The following CFAP299 variants were observed in gnomAD, a reference collection of about 807,000 sequenced individuals.
CFAP299 encodes the protein cilia and flagella associated protein 299.
A neutral mutation model predicts 27.0 loss-of-function variants in CFAP299; 21 were observed. The ratio of observed to expected loss-of-function variants is 0.78; its 90% CI spans 0.55 to 1.12. The LOEUF (loss-of-function observed/expected upper bound fraction) is 1.12, where lower values mean the gene tolerates loss of function less well. CFAP299 is among the 50% of genes most tolerant of loss of function. The pLI, the probability that CFAP299 is intolerant of heterozygous loss-of-function variation, is 0.00. For missense variants in CFAP299, 310 were observed against 276.6 expected, an observed-to-expected ratio of 1.12 and a Z score of -0.86; for synonymous variants, 104 against 98.1, an observed-to-expected ratio of 1.06 and a Z score of -0.36.
intron 4 of CFAP299, among the ~76,000 whole-genome samples, chr4:80,890,513 A>G (rs1023959973): frequency 6.6e-6 from 1 of 151,992 alleles, no homozygotes; most frequent in Non-Finnish European, 1.5e-5. Context: ...TAGTGCCGCA[A>G]TAAACATACG....
chr4:80,399,234 C>G (rs534785834), intron 2 of CFAP299, among the ~76,000 whole-genome samples: 1 of 152,202 alleles, frequency 6.6e-6, no homozygotes, highest in East Asian at 1.9e-4. Flanking sequence ...CACTTTTGCA[C>G]TGTTGGTGGG....
At chr4:80,386,412 T>C in intron 2 of CFAP299, 1 of 1,543,598 alleles carries the variant, frequency 6.5e-7, no homozygotes, top group East Asian at 2.3e-5. Flanking sequence ...CCCTGTGTCC[T>C]TCATCTCCTC....
chr4:80,483,696 A>G (rs903158600), intron 2 of CFAP299, among the ~76,000 whole-genome samples: 2 of 152,144 alleles, frequency 1.3e-5, no homozygotes, highest in Non-Finnish European at 2.9e-5. Context: ...TTTAAAAGTA[A>G]TGTTCTTACA....
chr4:80,543,371 A>C (rs1267448704), intron 2 of CFAP299, among the ~76,000 whole-genome samples: 1 of 152,222 alleles, frequency 6.6e-6, no homozygotes, highest in Non-Finnish European at 1.5e-5. Context: ...AAATGGCTAA[A>C]ACGTCAGACA....
At chr4:80,799,332 AATATTT>A (rs1174220729) in intron 3 of CFAP299, among the ~76,000 whole-genome samples, 2 of 96,996 alleles carry the variant, frequency 2.1e-5, no homozygotes, top group African/African-American at 8.9e-5. Flanking sequence ...ATATTTATAT[AATATTT>A]ATATATATAA....
At chr4:80,693,445 G>A (rs1157625759) in intron 3 of CFAP299, among the ~76,000 whole-genome samples, 10 of 149,860 alleles carry the variant, frequency 6.7e-5, no homozygotes. Context: ...ACTATCGCAA[G>A]AACAAAAAAC....
At chr4:80,442,716 C>T (rs1325473647) in intron 2 of CFAP299, among the ~76,000 whole-genome samples, 3 of 151,978 alleles carry the variant, frequency 2.0e-5, no homozygotes, top group Non-Finnish European at 4.4e-5. Context: ...GATAGAGACT[C>T]GAAAAACCCT....
At chr4:80,621,384 G>C (rs1005181282) in intron 3 of CFAP299, among the ~76,000 whole-genome samples, 2 of 152,058 alleles carry the variant, frequency 1.3e-5, no homozygotes, top group African/African-American at 4.8e-5. Flanking sequence ...CAAAGTTATT[G>C]TCTCCCTCAA....
chr4:80,884,573 C>G (rs905285920), intron 4 of CFAP299, among the ~76,000 whole-genome samples: 5 of 150,262 alleles, frequency 3.3e-5, no homozygotes, highest in Non-Finnish European at 5.9e-5. Context: ...TTTCAAATAA[C>G]CTAACTTTAC....
At chr4:80,595,446 C>G (rs994383954) in intron 3 of CFAP299, among the ~76,000 whole-genome samples, 1 of 152,152 alleles carries the variant, frequency 6.6e-6, no homozygotes. Flanking sequence ...AAAGTAAGCC[C>G]AGTTATGCCT....
chr4:80,450,912 A>T (rs200550243), intron 2 of CFAP299, among the ~76,000 whole-genome samples: 169 of 78,754 alleles, frequency 2.1e-3, no homozygotes, highest in Middle Eastern at 6.8e-3. Flanking sequence ...TGTGTGTGTG[A>T]GAGAGAGAGA....
At chr4:80,329,044 A>T in the CFAP299 span, among the ~76,000 whole-genome samples, 4 of 151,954 alleles carry the variant, frequency 2.6e-5, no homozygotes, top group African/African-American at 9.7e-5. Context: ...ATATACATTC[A>T]TAGGCTTTCT....
intron 3 of CFAP299, among the ~76,000 whole-genome samples, chr4:80,759,844 A>C (rs1725452253): frequency 6.6e-6 from 1 of 152,084 alleles, no homozygotes; most frequent in African/African-American, 2.4e-5. Context: ...AACTTTATTC[A>C]CCTAATAATA....
intron 3 of CFAP299, among the ~76,000 whole-genome samples, chr4:80,813,799 CA>C (rs1729282529): frequency 6.6e-6 from 1 of 151,736 alleles, no homozygotes; most frequent in African/African-American, 2.4e-5. Context: ...GATTGAAGGG[CA>C]AATCCTGATG....
chr4:80,482,930 A>G (rs959765922), intron 2 of CFAP299, among the ~76,000 whole-genome samples: 7 of 152,230 alleles, frequency 4.6e-5, no homozygotes, highest in Admixed American at 3.9e-4. Flanking sequence ...TGTGGTAGAC[A>G]GAACAATACC....
At chr4:80,391,828 A>G (rs534490765) in intron 2 of CFAP299, among the ~76,000 whole-genome samples, 1 of 152,274 alleles carries the variant, frequency 6.6e-6, no homozygotes, top group East Asian at 1.9e-4. Context: ...TTAGCCAGGC[A>G]TGGTGGGACA....
intron 2 of CFAP299, among the ~76,000 whole-genome samples, chr4:80,449,881 T>C (rs374874637): frequency 4.6e-5 from 7 of 152,216 alleles, no homozygotes; most frequent in African/African-American, 1.4e-4. Flanking sequence ...TACAACTTCT[T>C]TCTCAAAGCT....
chr4:80,614,829 T>C (rs1738191105), intron 3 of CFAP299, among the ~76,000 whole-genome samples: 2 of 152,218 alleles, frequency 1.3e-5, no homozygotes, highest in South Asian at 4.1e-4. Flanking sequence ...GAAGTTGAAA[T>C]GTTTTGAAAT....
chr4:80,590,582 A>G (rs1736684574), intron 3 of CFAP299, among the ~76,000 whole-genome samples: 2 of 152,192 alleles, frequency 1.3e-5, no homozygotes, highest in Admixed American at 1.3e-4. Flanking sequence ...GGTTGCAGTG[A>G]GCCGAGATCA....
Sources: allele counts gnomAD v4.1 joint callset (sites outside exome capture counted in the v4.1 genomes callset), GRCh38; gene constraint gnomAD v4.1.1; transcripts MANE v1.5; gene names NCBI Gene and HGNC (gene_info 2026-07-23, HGNC 2026-07-21).